SPNS2: variants seen among roughly 807,000 people sequenced by gnomAD.
SPNS2 encodes the protein SPNS lysolipid transporter 2, sphingosine-1-phosphate, also known as sphingosine-1-phosphate transporter SPNS2.
In SPNS2, 37 loss-of-function variants were observed where a neutral mutation model predicts 57.6. The ratio of observed to expected loss-of-function variants is 0.64; its 90% CI spans 0.49 to 0.85. The LOEUF is 0.85. SPNS2 is among the 40% of genes least tolerant of loss of function. The pLI is 0.00. For missense variants in SPNS2, 831 were observed against 779.1 expected, an observed-to-expected ratio of 1.07 and a Z score of -0.79; for synonymous variants, 440 against 346.9, an observed-to-expected ratio of 1.27 and a Z score of -2.98.
Position 4,525,071 on chromosome 17 carries a change from T to A in SPNS2, c.451T>A (p.Phe151Ile). 1 of 1,614,198 alleles carries A rather than the reference T, an allele frequency of 6.2e-7. No homozygotes were observed. Among genetic ancestry groups the A allele is most frequent in the Non-Finnish European group, 8.5e-7 (1 of 1,180,024 alleles). ...TCTCCCTGCAGTGTTCATCTGTAGCTTCATGGTGGCTGCCCCCATCTTCGG... is the reference window on the plus strand; with the variant it reads ...TCTCCCTGCAGTGTTCATCTGTAGCATCATGGTGGCTGCCCCCATCTTCGG... ...GLLQSVFICS[F>I]MVAAPIFGYL... The change falls in exon 3 of 13, where the codon TTC becomes ATC. Residue 151 changes from phenylalanine (F) to isoleucine (I), a missense_variant. Transcript: ENST00000329078.
At position 4,537,724 on chromosome 17, in the gene SPNS2, C is replaced by T. The variant is rs1376110198; in HGVS notation, c.*276C>T. 3 of 456,662 alleles carry T rather than the reference C, an allele frequency of 6.6e-6. No individual in the cohort carries two copies. Among genetic ancestry groups the T allele is most frequent in the East Asian group, 6.9e-5 (1 of 14,412 alleles). The allele number at this position is 456,662 out of a possible 1,614,324, so 28.3% of individuals were successfully genotyped here. A position where few individuals can be genotyped will look rare whatever the true frequency, so the allele number is the denominator to read the frequency against. ...GGGCCCCTGGGGCCAAGGAAGAAGA[C>T]AGCCCCAAGTGGGTGTCCGGGGAGA... On this transcript the variant is annotated 3_prime_UTR_variant, in exon 13 of 13. Coordinates refer to ENST00000329078, the MANE Select transcript of SPNS2 (RefSeq NM_001124758.3).
At chr17:4,524,994 A>C in intron 2 of SPNS2, 63 bp from the exon 3 acceptor site, 1 of 1,587,886 alleles carries the variant, frequency 6.3e-7, no homozygotes, top group African/African-American at 1.3e-5. Context: ...GCCGGAGTGA[A>C]ATGGGCCGGG....
At chr17:4,529,198 T>C (rs1000948437) in intron 3 of SPNS2, among the ~76,000 whole-genome samples, 4 of 152,052 alleles carry the variant, frequency 2.6e-5, no homozygotes, top group African/African-American at 9.7e-5. Context: ...CCTCCCAAAG[T>C]GCTGGGATTA....
chr17:4,530,900 A>T, intron 4 of SPNS2, 117 bp downstream of exon 4: 1 of 1,467,286 alleles, frequency 6.8e-7, no homozygotes, highest in Non-Finnish European at 9.2e-7. Context: ...AGAGCTAAAC[A>T]TGTGGGCGGT....
At chr17:4,530,896 A>T in intron 4 of SPNS2, 113 bp downstream of exon 4, 1 of 1,485,224 alleles carries the variant, frequency 6.7e-7, no homozygotes, top group South Asian at 1.3e-5. Flanking sequence ...TCAGAGAGCT[A>T]AACATGTGGG....
intron 1 of SPNS2, among the ~76,000 whole-genome samples, chr17:4,502,058 CAT>C (rs1904527588): frequency 6.6e-6 from 1 of 152,270 alleles, no homozygotes; most frequent in African/African-American, 2.4e-5. Flanking sequence ...ATATATCCAA[CAT>C]ATTTCAACAT....
chr17:4,502,295 G>A (rs146385604), intron 1 of SPNS2, among the ~76,000 whole-genome samples: 1 of 151,620 alleles, frequency 6.6e-6, no homozygotes, highest in African/African-American at 2.4e-5. Flanking sequence ...CAGGATAATC[G>A]CTTGAACCCA....
intron 2 of SPNS2, among the ~76,000 whole-genome samples, chr17:4,513,628 G>T (rs980755517): frequency 1.3e-5 from 2 of 152,158 alleles, no homozygotes; most frequent in Non-Finnish European, 2.9e-5. Context: ...AGTGATCCAG[G>T]CTCCCTCCTG....
At chr17:4,537,323 A>T (rs1905903129) in intron 12 of SPNS2, 130 bp from the exon 13 acceptor site, 1 of 410,362 alleles carries the variant, frequency 2.4e-6, no homozygotes, top group African/African-American at 2.0e-5. Flanking sequence ...GCAGCACGAG[A>T]CCCAGGGTCA....
Position 4,538,988 on chromosome 17 carries a change from G to C in SPNS2, c.*1540G>C. The C allele has an allele frequency of 1.2e-6, 1 of 803,280 alleles. No individual in the cohort carries two copies. The highest frequency in any genetic ancestry group is 2.3e-6 in the Non-Finnish European group (1 of 438,538). The allele number at this position is 803,280 out of a possible 1,614,324, so 49.8% of individuals were successfully genotyped here. A position where few individuals can be genotyped will look rare whatever the true frequency, so the allele number is the denominator to read the frequency against. ...TGAATCTCAGAGTCTTAAGAGAGAA[G>C]CCAAATATATTCCTCTTGTAAATGA... On this transcript the variant is annotated 3_prime_UTR_variant, in exon 13 of 13. Coordinates refer to ENST00000329078, the MANE Select transcript of SPNS2 (RefSeq NM_001124758.3).
At chr17:4,530,260 C>A (rs1372788424) in intron 3 of SPNS2, among the ~76,000 whole-genome samples, 2 of 152,192 alleles carry the variant, frequency 1.3e-5, no homozygotes, top group African/African-American at 2.4e-5. Flanking sequence ...TGGCTTGAGG[C>A]TCCCGAAGTG....
rs746817244 is a variant in SPNS2, at chr17:4,538,965, A to C, written c.*1517A>C. Reference sequence around the variant, plus strand: ...TTATTTTTTAGAGCTGCTGATTGTGAATCTCAGAGTCTTAAGAGAGAAGCC... The same window carrying C: ...TTATTTTTTAGAGCTGCTGATTGTGCATCTCAGAGTCTTAAGAGAGAAGCC... On this transcript the variant is annotated 3_prime_UTR_variant, in exon 13 of 13. Coordinates refer to ENST00000329078, the MANE Select transcript of SPNS2 (RefSeq NM_001124758.3). 5 of 788,326 alleles carry C rather than the reference A, an allele frequency of 6.3e-6. No individual in the cohort carries two copies. Among genetic ancestry groups the C allele is most frequent in the South Asian group, 4.0e-5 (3 of 74,744 alleles). The allele number at this position is 788,326 out of a possible 1,614,324, so 48.8% of individuals were successfully genotyped here.
intron 1 of SPNS2, among the ~76,000 whole-genome samples, chr17:4,505,449 G>A (rs1409514492): frequency 1.3e-5 from 2 of 152,224 alleles, no homozygotes; most frequent in Admixed American, 1.3e-4. Context: ...CAGGGCCTGA[G>A]TCTCCAGGAA....
At position 4,536,392 on chromosome 17, in the gene SPNS2, T is replaced by C; in HGVS notation, c.1573T>C (p.Phe525Leu). ...CATGTTCTTCCTCGCCACTGCGCTC[T>C]TCTTCGTCAGCGACCGCGCCAGGGC... ...GGMFFLATAL[F>L]FVSDRARAEQ... Residue 525 changes from phenylalanine (F) to leucine (L), a missense_variant, in exon 11 of 13, where the codon TTC (phenylalanine) becomes CTC (leucine). Phe to Leu is a conservative substitution (Grantham distance 22). Transcript: ENST00000329078. 6.2e-7 allele frequency: 1 copy of C among 1,606,454 alleles called. No individual in the cohort carries two copies. Among genetic ancestry groups the C allele is most frequent in the Non-Finnish European group, 8.5e-7 (1 of 1,179,734 alleles).
At chr17:4,516,359 T>C (rs1482052843) in intron 2 of SPNS2, among the ~76,000 whole-genome samples, 1 of 139,818 alleles carries the variant, frequency 7.2e-6, no homozygotes, top group African/African-American at 2.7e-5. Flanking sequence ...AAACCGCTCA[T>C]AGGTTTTGCT....
chr17:4,533,724 A>G, intron 8 of SPNS2, 64 bp from the exon 9 acceptor site: 1 of 1,568,186 alleles, frequency 6.4e-7, no homozygotes, highest in Non-Finnish European at 8.8e-7. Context: ...TGTGTAGGGA[A>G]CAGAGACTGT....
chr17:4,524,917 G>A, intron 2 of SPNS2, 140 bp from the exon 3 acceptor site: 3 of 1,233,340 alleles, frequency 2.4e-6, no homozygotes, highest in Non-Finnish European at 3.3e-6. Context: ...TGGGGTGCAG[G>A]TCGGGCCGAG....
chr17:4,503,461 C>A (rs1243707762), intron 1 of SPNS2, among the ~76,000 whole-genome samples: 2 of 152,206 alleles, frequency 1.3e-5, no homozygotes, highest in Non-Finnish European at 2.9e-5. Flanking sequence ...GTCTCACGCC[C>A]CCTCTAACTA....
chr17:4,537,900 G>A lies in SPNS2; in HGVS notation c.*452G>A, dbSNP rs559842878. ...CAACAGACCCTGGACCATACGGAGAGCAGGTGGCCCAGGCCTCAGGGCGGC... is the reference window on the plus strand; with the variant it reads ...CAACAGACCCTGGACCATACGGAGAACAGGTGGCCCAGGCCTCAGGGCGGC... On this transcript the variant is annotated 3_prime_UTR_variant, in exon 13 of 13. Transcript: ENST00000329078. 44 of 420,624 alleles carry A rather than the reference G, an allele frequency of 1.0e-4. No homozygotes were observed. Among genetic ancestry groups the A allele is most frequent in the African/African-American group, 4.1e-4 (20 of 49,104 alleles). 26.1% of individuals were successfully genotyped at this position (420,624 alleles called of 1,614,324 possible).
Sources: gnomAD v4.1 joint callset for allele counts (sites outside exome capture counted in the v4.1 genomes callset) on GRCh38, gnomAD v4.1.1 for gene constraint, MANE v1.5 for transcripts, NCBI Gene and HGNC (gene_info 2026-07-23, HGNC 2026-07-21) for gene names.